The following USH2A variants were observed in gnomAD, a reference collection of about 807,000 sequenced individuals.
USH2A encodes the protein usherin, also known as Usher syndrome 2A (autosomal recessive, mild).
A neutral mutation model predicts 538.9 loss-of-function variants in USH2A; 443 were observed. The ratio of observed to expected loss-of-function variants is 0.82; its 90% CI spans 0.76 to 0.89. The LOEUF (loss-of-function observed/expected upper bound fraction) is 0.89. Among genes scored for constraint, USH2A ranks in the 40% least tolerant of loss-of-function variants. The pLI is 0.00. For missense variants in USH2A, 6,633 were observed against 6,324.8 expected, an observed-to-expected ratio of 1.05 and a Z score of -1.65; for synonymous variants, 2,413 against 2,273.5, an observed-to-expected ratio of 1.06 and a Z score of -1.75.
intron 49 of USH2A, among the ~76,000 whole-genome samples, chr1:215,802,149 A>G (rs1662354834): frequency 6.6e-6 from 1 of 152,084 alleles, no homozygotes; most frequent in Non-Finnish European, 1.5e-5. Context: ...TAGATGTAAA[A>G]GCTAAAACTT....
intron 71 of USH2A, among the ~76,000 whole-genome samples, chr1:215,627,684 C>G (rs1266989298): frequency 6.6e-6 from 1 of 152,162 alleles, no homozygotes; most frequent in East Asian, 1.9e-4. Context: ...CACCACCGCG[C>G]CCAGCTAATT....
At chr1:216,385,053 C>A (rs1270826702) in intron 3 of USH2A, among the ~76,000 whole-genome samples, 1 of 152,012 alleles carries the variant, frequency 6.6e-6, no homozygotes, top group East Asian at 1.9e-4. Flanking sequence ...GCTGGGGTAT[C>A]CAAGGTGTCA....
intron 38 of USH2A, among the ~76,000 whole-genome samples, chr1:215,912,481 A>ATATATATGTGTGTATATATATATATATG (rs1558157917): frequency 8.6e-4 from 17 of 19,716 alleles, no homozygotes; most frequent in Admixed American, 1.2e-3. Flanking sequence ...ATATACGTAT[A>ATATATATGTGTGTATATATATATATATG]TATATATATG....
In USH2A at chr1:216,292,178, T is replaced by C. The variant is rs1305679874; in HGVS notation, c.1837A>G (p.Thr613Ala). The C allele has an allele frequency of 3.1e-6, 5 of 1,614,046 alleles. No homozygotes were observed. Among genetic ancestry groups the C allele is most frequent in the Admixed American group, 3.3e-5 (2 of 60,018 alleles). Residue 613 changes from threonine (T) to alanine (A), a missense_variant, in exon 10 of 72, where the codon ACA becomes GCA. Thr to Ala is a moderately conservative substitution (Grantham distance 58). Coordinates refer to ENST00000307340, the MANE Select transcript of USH2A (RefSeq NM_206933.4). ...GVCDDCEHNT[T>A]GRNCELCKDY... ...CAGGAATTTATTTGCTACTTACCTG[T>C]AGTGTTATGCTCACAATCATCACAA...
chr1:216,244,131 C>G (rs1247952874), intron 13 of USH2A, among the ~76,000 whole-genome samples: 1 of 152,154 alleles, frequency 6.6e-6, no homozygotes, highest in Non-Finnish European at 1.5e-5. Flanking sequence ...AGTAGTAAAA[C>G]TAGTCAGAGG....
At chr1:215,982,823 AC>A (rs1433800239) in intron 35 of USH2A, among the ~76,000 whole-genome samples, 1 of 152,220 alleles carries the variant, frequency 6.6e-6, no homozygotes, top group African/African-American at 2.4e-5. Context: ...TGTAAAGTTT[AC>A]TTTTTAAAAA....
At chr1:216,213,806 A>G (rs1459903733) in intron 15 of USH2A, among the ~76,000 whole-genome samples, 1 of 152,084 alleles carries the variant, frequency 6.6e-6, no homozygotes, top group African/African-American at 2.4e-5. Flanking sequence ...ACAAATCCAC[A>G]GAATGAGAGG....
chr1:216,269,525 TC>T (rs1434583297), intron 11 of USH2A, among the ~76,000 whole-genome samples: 1 of 152,044 alleles, frequency 6.6e-6, no homozygotes, highest in Non-Finnish European at 1.5e-5. Flanking sequence ...AAATGCATGA[TC>T]ATAACCCCTA....
intron 32 of USH2A, among the ~76,000 whole-genome samples, chr1:216,044,359 C>T (rs1397785447): frequency 2.6e-5 from 4 of 152,012 alleles, no homozygotes; most frequent in Non-Finnish European, 5.9e-5. Flanking sequence ...TAATATGTTA[C>T]ATCAAAGATG....
chr1:216,006,207 T>C (rs2102487885), intron 32 of USH2A, among the ~76,000 whole-genome samples: 1 of 152,330 alleles, frequency 6.6e-6, no homozygotes, highest in Non-Finnish European at 1.5e-5. Context: ...TACTACTTCA[T>C]AATCTTCAGA....
At chr1:216,286,502 G>A (rs1187866126) in intron 11 of USH2A, among the ~76,000 whole-genome samples, 2 of 152,004 alleles carry the variant, frequency 1.3e-5, no homozygotes, top group African/African-American at 4.8e-5. Flanking sequence ...GCTGAGGTGG[G>A]TGGGATTTGA....
At chr1:215,914,679 C>T (rs994381314) in intron 38 of USH2A, among the ~76,000 whole-genome samples, 2 of 152,114 alleles carry the variant, frequency 1.3e-5, no homozygotes, top group African/African-American at 4.8e-5. Context: ...AGTAGCCAGC[C>T]AGAACATGCA....
chr1:216,168,409 A>G (rs2102634734), intron 21 of USH2A, among the ~76,000 whole-genome samples: 1 of 152,276 alleles, frequency 6.6e-6, no homozygotes, highest in Non-Finnish European at 1.5e-5. Context: ...AATTATAACT[A>G]AGAAAATTAT....
intron 14 of USH2A, among the ~76,000 whole-genome samples, chr1:216,231,146 C>T (rs114490410): frequency 0.084 from 11,966 of 143,046 alleles, 746 homozygotes; most frequent in Non-Finnish European, 0.13. Context: ...AAATTAGAAA[C>T]GCAAGGAAAA....
intron 21 of USH2A, among the ~76,000 whole-genome samples, chr1:216,099,468 A>G (rs2032524851): frequency 6.6e-6 from 1 of 152,166 alleles, no homozygotes; most frequent in African/African-American, 2.4e-5. Context: ...TATCCCATAA[A>G]TTAATGGAAG....
Position 215,633,395 on chromosome 1 carries a change from C to T in USH2A, c.15297+1064G>A, listed in dbSNP as rs988426386. On this transcript the variant is annotated intron_variant, in intron 70 of 71. Coordinates refer to ENST00000307340, the MANE Select transcript of USH2A (RefSeq NM_206933.4). ...CACAAAAACCACAAACCGTGGACCT[C>T]GGAGGGCCCACTGCCCTTTTGTGCT... Among the ~76,000 whole-genome samples, 12 of 152,290 alleles carry T rather than the reference C, an allele frequency of 7.9e-5. No homozygotes were observed. In the South Asian group the frequency reaches 1.4e-3, roughly 18 times the overall value.
intron 47 of USH2A, among the ~76,000 whole-genome samples, chr1:215,828,468 A>G (rs1195549785): frequency 6.6e-6 from 1 of 152,150 alleles, no homozygotes; most frequent in Non-Finnish European, 1.5e-5. Flanking sequence ...AGAAAAAAAT[A>G]TATAGATATT....
intron 35 of USH2A, among the ~76,000 whole-genome samples, chr1:215,980,795 CT>C (rs1220311447): frequency 6.6e-6 from 1 of 152,108 alleles, no homozygotes; most frequent in Non-Finnish European, 1.5e-5. Flanking sequence ...CCATACTTCA[CT>C]CATTTTCATT....
chr1:216,310,221 A>G (rs559127968), intron 9 of USH2A, among the ~76,000 whole-genome samples: 1 of 151,986 alleles, frequency 6.6e-6, no homozygotes, highest in East Asian at 1.9e-4. Flanking sequence ...CTTGTTTTCT[A>G]TATACTTTTT....
Sources: gnomAD v4.1 joint callset for allele counts (sites outside exome capture counted in the v4.1 genomes callset) on GRCh38, gnomAD v4.1.1 for gene constraint, MANE v1.5 for transcripts, NCBI Gene and HGNC (gene_info 2026-07-23, HGNC 2026-07-21) for gene names.